COL23A1: variants seen among roughly 807,000 people sequenced by gnomAD.
The protein encoded by COL23A1 is collagen type XXIII alpha 1 chain, also known as collagen alpha-1(XXIII) chain.
A neutral mutation model predicts 99.3 loss-of-function variants in COL23A1; 97 were observed. The observed-to-expected ratio is 0.98, with a 90% confidence interval of 0.83 to 1.16. COL23A1 has a LOEUF of 1.16. COL23A1 is among the 50% of genes most tolerant of loss of function. The pLI, the probability that COL23A1 is intolerant of heterozygous loss-of-function variation, is 0.00. For missense variants in COL23A1, 762 were observed against 757.4 expected, an observed-to-expected ratio of 1.01 and a Z score of -0.07; for synonymous variants, 320 against 308.2, an observed-to-expected ratio of 1.04 and a Z score of -0.40.
At chr5:178,359,508 A>T (rs910816963) in intron 2 of COL23A1, among the ~76,000 whole-genome samples, 3 of 152,188 alleles carry the variant, frequency 2.0e-5, no homozygotes, top group Non-Finnish European at 2.9e-5. Context: ...AGCCTGGGTG[A>T]CAGAGCGAAA....
chr5:178,283,913 T>C (rs1297676689), intron 5 of COL23A1, among the ~76,000 whole-genome samples: 1 of 152,208 alleles, frequency 6.6e-6, no homozygotes, highest in Non-Finnish European at 1.5e-5. Flanking sequence ...CCCATTCCCA[T>C]ATGGTTCTCT....
chr5:178,257,547 G>A lies in COL23A1; in HGVS notation c.750C>T (p.Ser250=), dbSNP rs1316929990. Residue 250 remains serine, a synonymous_variant, in exon 13 of 29, where the codon AGC becomes AGT. Transcript: ENST00000390654. Reference sequence around the variant, plus strand: ...CCTTGGGCCCTGGTGGTCCAGGCTGGCTTGGTGTCCCATCGTCGCCCTGAG... The same window carrying A: ...CCTTGGGCCCTGGTGGTCCAGGCTGACTTGGTGTCCCATCGTCGCCCTGAG... The part of the protein sequence containing the change: ...PGKKGDDGTP[S]QPGPPGPKGE... 1 of 1,564,314 alleles carries A rather than the reference G, an allele frequency of 6.4e-7. No individual in the cohort carries two copies. The highest frequency in any genetic ancestry group is 1.9e-5 in the Admixed American group (1 of 52,676).
intron 3 of COL23A1, among the ~76,000 whole-genome samples, chr5:178,296,867 G>A (rs947516492): frequency 3.3e-5 from 5 of 152,124 alleles, no homozygotes; most frequent in African/African-American, 7.2e-5. Context: ...ATGTCACCAG[G>A]CTACCATTGC....
intron 2 of COL23A1, among the ~76,000 whole-genome samples, chr5:178,492,550 T>C (rs1757986821): frequency 6.6e-6 from 1 of 152,064 alleles, no homozygotes; most frequent in Admixed American, 6.6e-5. Context: ...GTATTTGTTA[T>C]GGCAGCTCAA....
chr5:178,337,286 G>C (rs889033889), intron 2 of COL23A1, among the ~76,000 whole-genome samples: 2 of 152,258 alleles, frequency 1.3e-5, no homozygotes, highest in Non-Finnish European at 2.9e-5. Context: ...TCCTGTCCCG[G>C]TGATCCCCGG....
intron 2 of COL23A1, among the ~76,000 whole-genome samples, chr5:178,330,061 G>A (rs921466480): frequency 2.0e-5 from 3 of 152,208 alleles, no homozygotes; most frequent in Non-Finnish European, 4.4e-5. Context: ...GGAGGCCTGG[G>A]TAGCGTCCTC....
Position 178,566,874 on chromosome 5 carries a change from G to A in COL23A1, c.295-6126C>T, listed in dbSNP as rs1762867070. ...AGGCTGAAGACAAAAGGAATCTGAT[G>A]TAAACACTGTACTCTAGCTAGGCGG... On this transcript the variant is annotated intron_variant, in intron 1 of 28. Transcript: ENST00000390654. 2.6e-5 allele frequency among the ~76,000 whole-genome samples: 4 copies of A among 152,108 alleles called. No individual in the cohort carries two copies. The South Asian group carries it at 8.3e-4, about 32-fold the overall frequency.
intron 2 of COL23A1, among the ~76,000 whole-genome samples, chr5:178,382,463 A>C (rs1763435769): frequency 6.6e-6 from 1 of 152,098 alleles, no homozygotes; most frequent in Non-Finnish European, 1.5e-5. Context: ...GGTGGGAATC[A>C]CCTAATGCCA....
chr5:178,433,415 G>T (rs1008576901), intron 2 of COL23A1, among the ~76,000 whole-genome samples: 5 of 152,186 alleles, frequency 3.3e-5, no homozygotes. Context: ...TGTGGAGTTG[G>T]GGTGGGGTCG....
intron 5 of COL23A1, among the ~76,000 whole-genome samples, chr5:178,284,900 A>T (rs1757076184): frequency 6.6e-6 from 1 of 152,256 alleles, no homozygotes; most frequent in African/African-American, 2.4e-5. Context: ...GGATATAAGA[A>T]ATACTAGAAC....
At chr5:178,516,184 C>G (rs1759501367) in intron 2 of COL23A1, among the ~76,000 whole-genome samples, 1 of 152,180 alleles carries the variant, frequency 6.6e-6, no homozygotes, top group Non-Finnish European at 1.5e-5. Context: ...CCAGCCCAGT[C>G]TCTGAGAAAC....
chr5:178,462,355 T>C (rs1364550034), intron 2 of COL23A1, among the ~76,000 whole-genome samples: 2 of 152,214 alleles, frequency 1.3e-5, no homozygotes, highest in Non-Finnish European at 2.9e-5. Flanking sequence ...ATGTAACTTA[T>C]AGGGTGCTTT....
chr5:178,554,036 G>C (rs1010759272), intron 2 of COL23A1, among the ~76,000 whole-genome samples: 8 of 152,192 alleles, frequency 5.3e-5, no homozygotes, highest in African/African-American at 1.7e-4. Context: ...CTTCACAGGT[G>C]GAAAACCGAG....
intron 2 of COL23A1, among the ~76,000 whole-genome samples, chr5:178,359,462 A>G (rs972548614): frequency 2.6e-5 from 4 of 152,144 alleles, no homozygotes; most frequent in African/African-American, 4.8e-5. Flanking sequence ...CGGGAGGTGG[A>G]GTTTGCAGTG....
At chr5:178,528,568 C>T (rs1236843792) in intron 2 of COL23A1, among the ~76,000 whole-genome samples, 2 of 152,194 alleles carry the variant, frequency 1.3e-5, no homozygotes, top group East Asian at 1.9e-4. Context: ...AATCCCAGCA[C>T]TTTGGGAGGC....
chr5:178,433,416 G>T (rs1766372885), intron 2 of COL23A1, among the ~76,000 whole-genome samples: 1 of 152,286 alleles, frequency 6.6e-6, no homozygotes, highest in South Asian at 2.1e-4. Flanking sequence ...GTGGAGTTGG[G>T]GTGGGGTCGC....
rs561176679 is a variant in COL23A1 at position 178,358,459 on chromosome 5, G to A, written c.362-51540C>T. Among the ~76,000 whole-genome samples, 17 of 146,796 alleles carry A rather than the reference G, an allele frequency of 1.2e-4. No individual in the cohort carries two copies. In the South Asian group the frequency reaches 1.3e-3, roughly 11 times the overall value. On this transcript the variant is annotated intron_variant, in intron 2 of 28. Coordinates refer to ENST00000390654, the MANE Select transcript of COL23A1 (RefSeq NM_173465.4). ...TGTGTGTATGTGTGTATATGTATGC[G>A]TATGTGTATGTGCGTATGCGTATAT...
Position 178,292,192 on chromosome 5 carries a change from G to A in COL23A1, c.407-1823C>T, listed in dbSNP as rs556388708. 7.9e-5 allele frequency among the ~76,000 whole-genome samples: 12 copies of A among 151,506 alleles called. No individual in the cohort carries two copies. In the South Asian group the frequency reaches 2.5e-3, roughly 32 times the overall value. On this transcript the variant is annotated intron_variant, in intron 3 of 28. Transcript: ENST00000390654. ...GCCTTTCCACCTGCCCCTCCTCCTC[G>A]ATCTGTTCCTGCACCAGCACTTGCG... is the stretch of plus-strand genomic sequence containing the variant.
chr5:178,394,940 C>T (rs1288189163), intron 2 of COL23A1, among the ~76,000 whole-genome samples: 9 of 101,120 alleles, frequency 8.9e-5, no homozygotes, highest in African/African-American at 3.3e-4. Flanking sequence ...TCTGGGCATT[C>T]GGCTCTCAGC....
Sources: gnomAD v4.1 joint callset for allele counts (sites outside exome capture counted in the v4.1 genomes callset) on GRCh38, gnomAD v4.1.1 for gene constraint, MANE v1.5 for transcripts, NCBI Gene and HGNC (gene_info 2026-07-23, HGNC 2026-07-21) for gene names.